Variants in BICD1 observed in about 807,000 individuals in gnomAD.
BICD1 encodes the protein protein bicaudal D homolog 1.
In BICD1, 35 loss-of-function variants were observed where a neutral mutation model predicts 92.5. The observed-to-expected ratio is 0.38, with a 90% CI of 0.29 to 0.50. BICD1 has a LOEUF of 0.50. Ranked by LOEUF, BICD1 falls within the 20% of genes least tolerant of loss-of-function variation. The pLI is 0.93. For missense variants in BICD1, 950 were observed against 1,189.8 expected, an observed-to-expected ratio of 0.80 and a Z score of 2.97; for synonymous variants, 429 against 465.1, an observed-to-expected ratio of 0.92 and a Z score of 1.00.
intron 2 of BICD1, among the ~76,000 whole-genome samples, chr12:32,277,260 G>T (rs1947300782): frequency 6.6e-6 from 1 of 152,150 alleles, no homozygotes; most frequent in African/African-American, 2.4e-5. Context: ...TGGGCATGGT[G>T]GCACGCACCT....
Position 32,334,499 on chromosome 12 carries a change from G to A in BICD1, c.2101-17G>A, listed in dbSNP as rs752236278. ...TCCTGATATGAAAATTGTAAGCAGT[G>A]TGATTTTCTGCTTTAGACAGCTGAG... On this transcript the variant is annotated splice_polypyrimidine_tract_variant and intron_variant, in intron 5 of 9. Transcript: ENST00000652176. 11 of 1,593,718 alleles carry A rather than the reference G, an allele frequency of 6.9e-6. No homozygotes were observed. The East Asian group carries it at 2.5e-4, about 36-fold the overall frequency.
At chr12:32,318,800 G>T (rs987503315) in intron 4 of BICD1, among the ~76,000 whole-genome samples, 7 of 152,220 alleles carry the variant, frequency 4.6e-5, no homozygotes, top group Non-Finnish European at 8.8e-5. Context: ...GTTGCAGTGA[G>T]CTGAGATCGT....
intron 1 of BICD1, among the ~76,000 whole-genome samples, chr12:32,193,932 A>G (rs1301817477): frequency 2.0e-5 from 3 of 152,192 alleles, no homozygotes; most frequent in African/African-American, 4.8e-5. Context: ...ACTGATGAAC[A>G]TAGATGCAAA....
chr12:32,234,727 G>A (rs988873413), intron 2 of BICD1, among the ~76,000 whole-genome samples: 8 of 142,810 alleles, frequency 5.6e-5, no homozygotes, highest in Admixed American at 2.8e-4. Context: ...CCAGGCTGGA[G>A]TGCAGTGGCA....
At chr12:32,240,298 C>G (rs1377179660) in intron 2 of BICD1, among the ~76,000 whole-genome samples, 1 of 152,170 alleles carries the variant, frequency 6.6e-6, no homozygotes, top group African/African-American at 2.4e-5. Flanking sequence ...CCTTGTAGTT[C>G]TAGAGGCCGG....
chr12:32,114,329 G>A (rs1941811087), intron 1 of BICD1, among the ~76,000 whole-genome samples: 2 of 152,054 alleles, frequency 1.3e-5, no homozygotes, highest in South Asian at 4.1e-4. Flanking sequence ...TTTAATTCAT[G>A]TTTTCTTTGC....
chr12:32,190,755 A>G (rs7956602), intron 1 of BICD1, among the ~76,000 whole-genome samples: 103,919 of 152,016 alleles, frequency 0.68, 36,625 homozygotes, highest in Non-Finnish European at 0.77. Flanking sequence ...GACCTAACAG[A>G]CATACACAGA....
intron 2 of BICD1, among the ~76,000 whole-genome samples, chr12:32,247,412 A>G (rs530306650): frequency 1.3e-5 from 2 of 152,242 alleles, no homozygotes; most frequent in Admixed American, 1.3e-4. Context: ...AGGAATGACG[A>G]GAATACATCT....
chr12:32,367,645 T>C (rs1169510823), intron 8 of BICD1, 25 bp from the exon 9 acceptor site: 2 of 1,606,884 alleles, frequency 1.2e-6, no homozygotes, highest in Non-Finnish European at 8.5e-7. Flanking sequence ...TTTGTACACA[T>C]GTCTAATTTA....
At chr12:32,142,140 T>G (rs951539292) in intron 1 of BICD1, among the ~76,000 whole-genome samples, 11 of 152,058 alleles carry the variant, frequency 7.2e-5, no homozygotes, top group African/African-American at 2.2e-4. Flanking sequence ...GCGTGATGGC[T>G]CAGGCCTGTA....
chr12:32,295,577 A>ATT (rs1565649286), intron 3 of BICD1, among the ~76,000 whole-genome samples: 5 of 147,460 alleles, frequency 3.4e-5, no homozygotes, highest in Non-Finnish European at 7.6e-5. Flanking sequence ...ATTGATTGAT[A>ATT]GATATAAGGG....
At chr12:32,345,563 C>T (rs1157190706) in intron 8 of BICD1, among the ~76,000 whole-genome samples, 2 of 152,042 alleles carry the variant, frequency 1.3e-5, no homozygotes, top group Non-Finnish European at 2.9e-5. Context: ...TTGGCACAAC[C>T]ACAGACATTA....
chr12:32,244,974 T>G (rs1390858402), intron 2 of BICD1, among the ~76,000 whole-genome samples: 1 of 152,132 alleles, frequency 6.6e-6, no homozygotes, highest in Non-Finnish European at 1.5e-5. Context: ...CCATATAATA[T>G]GATGTTTTAA....
At chr12:32,341,060 T>C (rs775736651) in intron 8 of BICD1, among the ~76,000 whole-genome samples, 2 of 152,234 alleles carry the variant, frequency 1.3e-5, no homozygotes, top group Non-Finnish European at 2.9e-5. Flanking sequence ...TTATCCACAC[T>C]GTGCACATCT....
At chr12:32,178,575 A>G (rs1437790323) in intron 1 of BICD1, among the ~76,000 whole-genome samples, 1 of 151,946 alleles carries the variant, frequency 6.6e-6, no homozygotes, top group African/African-American at 2.4e-5. Flanking sequence ...TAGGTCAGCA[A>G]ATTTGTCTGT....
intron 1 of BICD1, among the ~76,000 whole-genome samples, chr12:32,196,566 G>A (rs1444313758): frequency 6.6e-6 from 1 of 152,198 alleles, no homozygotes; most frequent in Non-Finnish European, 1.5e-5. Context: ...CTTATATGTA[G>A]AATCTAAAAA....
At chr12:32,339,627 G>A (rs181108583) in intron 8 of BICD1, 140 of 984,920 alleles carry the variant, frequency 1.4e-4, no homozygotes, top group Non-Finnish European at 1.6e-4. Context: ...CTATGAAGAG[G>A]CCTAACTTGA....
At chr12:32,174,407 G>A (rs1944035496) in intron 1 of BICD1, among the ~76,000 whole-genome samples, 1 of 152,078 alleles carries the variant, frequency 6.6e-6, no homozygotes, top group Non-Finnish European at 1.5e-5. Flanking sequence ...GGAGGCCGAG[G>A]TGGGAGGATT....
chr12:32,173,075 G>A (rs1385919246), intron 1 of BICD1, among the ~76,000 whole-genome samples: 1 of 151,428 alleles, frequency 6.6e-6, no homozygotes, highest in Non-Finnish European at 1.5e-5. Context: ...TGGAGACAGC[G>A]TCTCACTCTG....
Sources: allele counts gnomAD v4.1 joint callset (sites outside exome capture counted in the v4.1 genomes callset), GRCh38; gene constraint gnomAD v4.1.1; transcripts MANE v1.5; gene names NCBI Gene and HGNC (gene_info 2026-07-23, HGNC 2026-07-21).